Variants in BZW1 observed in about 807,000 individuals in gnomAD.
BZW1 encodes the protein basic leucine zipper and W2 domains 1, also known as eIF5-mimic protein 2.
A neutral mutation model predicts 54.1 loss-of-function variants in BZW1; 3 were observed. That is an observed-to-expected ratio of 0.06 (90% CI 0.03 to 0.14). BZW1 has a LOEUF of 0.14. Ranked by LOEUF, BZW1 falls within the 10% of genes least tolerant of loss-of-function variation. BZW1 has a pLI of 1.00. For synonymous variants in BZW1, 152 were observed against 162.7 expected, an observed-to-expected ratio of 0.93 and a Z score of 0.50; for missense variants, 206 against 491.7, an observed-to-expected ratio of 0.42 and a Z score of 5.50.
chr2:200,816,242 A>C, intron 4 of BZW1, 83 bp from the exon 5 acceptor site: 1 of 988,942 alleles, frequency 1.0e-6, no homozygotes, highest in South Asian at 1.9e-5. Context: ...AGCAGCTCAT[A>C]AACTTACATC....
chr2:200,818,622 T>G, intron 8 of BZW1, 133 bp from the exon 9 acceptor site: 1 of 1,100,348 alleles, frequency 9.1e-7, no homozygotes, highest in African/African-American at 1.6e-5. Context: ...TCTCTTTTTA[T>G]ATGTGGTACA....
rs2038641109 is a variant in BZW1, at chr2:200,824,545, A to G, written c.*2367A>G. 1 of 151,936 alleles carries G rather than the reference A, an allele frequency of 6.6e-6. No individual in the cohort carries two copies. 9.4% of individuals were successfully genotyped at this position (151,936 alleles called of 1,614,324 possible). A position where few individuals can be genotyped will look rare whatever the true frequency, so the allele number is the denominator to read the frequency against. ...TAAAAAAAAAAACCTCCATATACCA[A>G]AAATGCTACAGGATATTTTGAAATA... On this transcript the variant is annotated 3_prime_UTR_variant, in exon 12 of 12. Transcript: ENST00000409600.
At chr2:200,820,304 T>C in intron 10 of BZW1, 184 bp downstream of exon 10, 1 of 459,696 alleles carries the variant, frequency 2.2e-6, no homozygotes, top group South Asian at 3.6e-5. Context: ...ATCTAAACCC[T>C]ATTCACAAGT....
Position 200,817,265 on chromosome 2 carries a change from T to G in BZW1, c.538+24T>G, listed in dbSNP as rs778011423. On this transcript the variant is annotated intron_variant, in intron 6 of 11. Transcript: ENST00000409600. ...AGGTAATCAGCCTTAAAGGATGGTC[T>G]TCAGTTGACTCAGAGTGGGGTGGAT... 1.9e-6 allele frequency: 3 copies of G among 1,608,920 alleles called. No homozygotes were observed. The South Asian group carries it at 3.3e-5, about 18-fold the overall frequency.
intron 9 of BZW1, 115 bp downstream of exon 9, chr2:200,819,016 C>A: frequency 2.5e-6 from 3 of 1,187,944 alleles, no homozygotes; most frequent in Admixed American, 3.4e-5. Flanking sequence ...CTAGGGATGG[C>A]CCACCAGTAA....
intron 1 of BZW1, chr2:200,812,478 C>CGTATCATTAAAAA: frequency 7.5e-7 from 1 of 1,335,774 alleles, no homozygotes; most frequent in Non-Finnish European, 9.6e-7. Flanking sequence ...CGGCGGCCGC[C>CGTATCATTAAAAA]ACCGCAGGCG....
rs563838194 is a variant in BZW1, at chr2:200,815,205, C to T, written c.65-136C>T. On this transcript the variant is annotated intron_variant, in intron 2 of 11. Transcript: ENST00000409600. Reference sequence around the variant, plus strand: ...TGTGAGTGGGCCATCTTGTCTTACACTTGCAGAGGGGAAACATGCAAAGGA... The same window carrying T: ...TGTGAGTGGGCCATCTTGTCTTACATTTGCAGAGGGGAAACATGCAAAGGA... The T allele has an allele frequency of 1.3e-5, 12 of 940,634 alleles. No homozygotes were observed. The East Asian group carries it at 1.6e-4, about 13-fold the overall frequency. The allele number at this position is 940,634 out of a possible 1,614,324, so 58.3% of individuals were successfully genotyped here.
In BZW1 at chr2:200,826,412, T is replaced by TGA. The variant is rs1559318431; in HGVS notation, c.*4234_*4235insGA. 2 of 39,446 alleles carry TGA rather than the reference T, an allele frequency of 5.1e-5. No homozygotes were observed. Among genetic ancestry groups the TGA allele is most frequent in the African/African-American group, 2.5e-4 (2 of 7,880 alleles). 2.4% of individuals were successfully genotyped at this position (39,446 alleles called of 1,614,324 possible). On this transcript the variant is annotated 3_prime_UTR_variant, in exon 12 of 12. Coordinates refer to ENST00000409600, the MANE Select transcript of BZW1 (RefSeq NM_001207067.2). ...AGATAGATAGATAGATAGATATTTT[T>TGA]TTTTTTTTTTTTTTTTTTTTTTTTT...
upstream of BZW1, chr2:200,811,899 C>G (rs920728302): frequency 4.7e-6 from 1 of 214,112 alleles, no homozygotes; most frequent in African/African-American, 2.3e-5. Flanking sequence ...CCTCTCCCTC[C>G]TCCTGGCGTT....
chr2:200,812,184 C>G, intron 1 of BZW1, 194 bp downstream of exon 1: 1 of 1,208,396 alleles, frequency 8.3e-7, no homozygotes, highest in Non-Finnish European at 1.0e-6. Context: ...TAGCGGCGGC[C>G]CGGGTGGGGA....
chr2:200,812,510 CCG>C, intron 1 of BZW1: 1 of 1,380,880 alleles, frequency 7.2e-7, no homozygotes, highest in Non-Finnish European at 9.4e-7. Flanking sequence ...GGAGAAAGAG[CCG>C]CGGGACCCTA....
chr2:200,813,992 G>A (rs559619607), intron 2 of BZW1, among the ~76,000 whole-genome samples: 9 of 152,256 alleles, frequency 5.9e-5, no homozygotes, highest in African/African-American at 2.2e-4. Context: ...TCTTCCTTAA[G>A]TAGCAGACAT....
chr2:200,812,383 G>C (rs985218118), intron 1 of BZW1: 2 of 1,284,428 alleles, frequency 1.6e-6, no homozygotes, highest in Non-Finnish European at 9.8e-7. Flanking sequence ...CGCCTCCGCC[G>C]CTGCTTTCGC....
At chr2:200,821,341 G>A in intron 11 of BZW1, 36 bp downstream of exon 11, 2 of 1,609,022 alleles carry the variant, frequency 1.2e-6, no homozygotes, top group South Asian at 2.2e-5. Context: ...GTTTGGTAAA[G>A]CTAATTTTAA....
intron 9 of BZW1, 45 bp downstream of exon 9, chr2:200,818,946 G>A (rs537206443): frequency 5.7e-5 from 86 of 1,505,766 alleles, no homozygotes; most frequent in South Asian, 4.4e-4. Context: ...CTGCTTTCAC[G>A]TGGTGATAAG....
chr2:200,819,660 A>C (rs924176145), intron 9 of BZW1, among the ~76,000 whole-genome samples: 1 of 151,592 alleles, frequency 6.6e-6, no homozygotes, highest in Non-Finnish European at 1.5e-5. Context: ...TCCTGGGTTC[A>C]AGCAGTTCTG....
In BZW1 at chr2:200,823,267, G is replaced by A. The variant is rs1229076445; in HGVS notation, c.*1089G>A. On this transcript the variant is annotated 3_prime_UTR_variant, in exon 12 of 12. Transcript: ENST00000409600. ...TGGCTTCGTTCTCTTAATATACTCA[G>A]TAATGACTCAAGCCTCTGGCTATTA... The A allele has an allele frequency of 6.0e-6, 1 of 165,532 alleles. No homozygotes were observed. Among genetic ancestry groups the A allele is most frequent in the Admixed American group, 6.5e-5 (1 of 15,290 alleles). 10.3% of individuals were successfully genotyped at this position (165,532 alleles called of 1,614,324 possible). A position where few individuals can be genotyped will look rare whatever the true frequency, so the allele number is the denominator to read the frequency against.
rs1363412470 is a variant in BZW1, at chr2:200,824,203, TAAAG to T, written c.*2030_*2033del. ...GATATCACTTGTGACAGTAATAGTG[TAAAG>T]AAAGGGAATGCTTTATAAAAAGATT... On this transcript the variant is annotated 3_prime_UTR_variant, in exon 12 of 12. Coordinates refer to ENST00000409600, the MANE Select transcript of BZW1 (RefSeq NM_001207067.2). 1 of 152,202 alleles carries T rather than the reference TAAAG, an allele frequency of 6.6e-6. No individual in the cohort carries two copies. The highest frequency in any genetic ancestry group is 1.5e-5 in the Non-Finnish European group (1 of 68,022). The allele number at this position is 152,202 out of a possible 1,614,324, so 9.4% of individuals were successfully genotyped here.
rs372461709 is a variant in BZW1 at position 200,818,731 on chromosome 2, T to C, written c.820-24T>C. ...GTACATAATCAAAACTGACTTCTGT[T>C]ACTAAATTTGGATTCATTTGCAGAT... On this transcript the variant is annotated intron_variant, in intron 8 of 11. Coordinates refer to ENST00000409600, the MANE Select transcript of BZW1 (RefSeq NM_001207067.2). The C allele has an allele frequency of 1.1e-5, 18 of 1,571,140 alleles. No homozygotes were observed. In the Admixed American group the frequency reaches 2.6e-4, roughly 23 times the overall value.
Sources: allele counts gnomAD v4.1 joint callset (sites outside exome capture counted in the v4.1 genomes callset), GRCh38; gene constraint gnomAD v4.1.1; transcripts MANE v1.5; gene names NCBI Gene and HGNC (gene_info 2026-07-23, HGNC 2026-07-21).